KIF1B: variants seen among roughly 807,000 people sequenced by gnomAD.
The protein encoded by KIF1B is kinesin family member 1B, also known as kinesin-like protein KIF1B.
In KIF1B, 76 loss-of-function variants were observed where a neutral mutation model predicts 241.9. The ratio of observed to expected loss-of-function variants is 0.31; its 90% CI spans 0.26 to 0.38. The LOEUF (loss-of-function observed/expected upper bound fraction) is 0.38. Among genes scored for constraint, KIF1B ranks in the 10% least tolerant of loss-of-function variants. KIF1B has a pLI of 1.00. For synonymous variants in KIF1B, 750 were observed against 796.7 expected (o/e 0.94, Z 0.99); for missense variants, 1,622 against 2,271.4 (o/e 0.71, Z 5.81).
rs193034745 is a variant in KIF1B, at chr1:10,318,189, A to G, written c.2116-1854A>G. On this transcript the variant is annotated intron_variant, in intron 22 of 48. Coordinates refer to ENST00000676179, the MANE Select transcript of KIF1B (RefSeq NM_001365951.3). Reference sequence around the variant, plus strand: ...GTCACTGCCTGCCCATCTAAAGAGAACACTTCCTTTGTGAGAATAACTGAC... The same window carrying G: ...GTCACTGCCTGCCCATCTAAAGAGAGCACTTCCTTTGTGAGAATAACTGAC... Among the ~76,000 whole-genome samples, 29 of 151,570 alleles carry G rather than the reference A, an allele frequency of 1.9e-4. No individual in the cohort carries two copies. The East Asian group carries it at 5.0e-3, about 26-fold the overall frequency.
intron 31 of KIF1B, among the ~76,000 whole-genome samples, chr1:10,338,949 A>G (rs1380372290): frequency 1.3e-5 from 2 of 152,324 alleles, no homozygotes; most frequent in East Asian, 1.9e-4. Flanking sequence ...CTGTCCCCCC[A>G]GTTGAAAATA....
At chr1:10,278,842 G>A (rs1649255639) in intron 13 of KIF1B, 1 of 435,948 alleles carries the variant, frequency 2.3e-6, no homozygotes, top group East Asian at 3.3e-5. Context: ...GTTTAGTAAA[G>A]CATTTTTTTT....
chr1:10,350,135 A>T (rs2102331751), intron 37 of KIF1B, among the ~76,000 whole-genome samples: 1 of 151,696 alleles, frequency 6.6e-6, no homozygotes, highest in Non-Finnish European at 1.5e-5. Flanking sequence ...CTAAAAATAC[A>T]AAAATTAGCT....
Position 10,276,235 on chromosome 1 carries a change from G to A in KIF1B, c.959-86G>A, listed in dbSNP as rs796978250. On this transcript the variant is annotated intron_variant, in intron 11 of 48. Transcript: ENST00000676179. Reference sequence around the variant, plus strand: ...GACATTACATTAAATCTTAGGATCTGAGATTACAATATCAGATTTGACACA... The same window carrying A: ...GACATTACATTAAATCTTAGGATCTAAGATTACAATATCAGATTTGACACA... 2.3e-5 allele frequency: 20 copies of A among 886,182 alleles called. No homozygotes were observed. The African/African-American group carries it at 3.1e-4, about 14-fold the overall frequency. 54.9% of individuals were successfully genotyped at this position (886,182 alleles called of 1,614,324 possible). A position where few individuals can be genotyped will look rare whatever the true frequency, so the allele number is the denominator to read the frequency against.
intron 26 of KIF1B, among the ~76,000 whole-genome samples, chr1:10,325,651 A>G (rs925665510): frequency 1.3e-5 from 2 of 152,218 alleles, no homozygotes; most frequent in African/African-American, 4.8e-5. Context: ...TTGGCCAAAC[A>G]CATCTTACCC....
At chr1:10,223,685 TA>T (rs1246536517) in intron 1 of KIF1B, among the ~76,000 whole-genome samples, 1 of 151,820 alleles carries the variant, frequency 6.6e-6, no homozygotes, top group Non-Finnish European at 1.5e-5. Context: ...TAGCTAGGAC[TA>T]CAGGCACGTG....
intron 28 of KIF1B, among the ~76,000 whole-genome samples, chr1:10,334,965 G>T (rs1476898168): frequency 6.6e-6 from 1 of 150,642 alleles, no homozygotes; most frequent in Admixed American, 6.6e-5. Context: ...TTGAGACAGG[G>T]TCTCACTTTG....
At chr1:10,212,856 G>C (rs1297684899) in intron 1 of KIF1B, among the ~76,000 whole-genome samples, 1 of 139,392 alleles carries the variant, frequency 7.2e-6, no homozygotes, top group Non-Finnish European at 1.5e-5. Context: ...AAAAAAATGT[G>C]TATATATATA....
chr1:10,326,558 A>G lies in KIF1B; in HGVS notation c.2924+199A>G, dbSNP rs1015519861. ...CTCAGGCATTGTGTGTGAGGTCCTC[A>G]GTCTACTCAGCACAATACGTAGCAA... is the stretch of plus-strand genomic sequence containing the variant. On this transcript the variant is annotated intron_variant, in intron 27 of 48. Transcript: ENST00000676179. This position sits in a 1 kb window ranked among gnomAD's most constrained non-coding sequence, Gnocchi z 5.2. Among the ~76,000 whole-genome samples the G allele has an allele frequency of 6.6e-6, 1 of 152,210 alleles. No individual in the cohort carries two copies. The highest frequency in any genetic ancestry group is 1.5e-5 in the Non-Finnish European group (1 of 68,040).
intron 1 of KIF1B, chr1:10,230,706 G>A (rs1244848238): frequency 6.6e-6 from 1 of 152,196 alleles, no homozygotes; most frequent in Admixed American, 6.5e-5. Context: ...AAAGTGCTGG[G>A]ATTACAGGCG....
At chr1:10,218,133 T>C (rs1646792948) in intron 1 of KIF1B, among the ~76,000 whole-genome samples, 1 of 152,142 alleles carries the variant, frequency 6.6e-6, no homozygotes, top group Admixed American at 6.6e-5. Flanking sequence ...GACAGTGTCA[T>C]GGATACTGGC....
At chr1:10,306,317 T>A in intron 22 of KIF1B, 15 of 1,047,290 alleles carry the variant, frequency 1.4e-5, no homozygotes, top group Non-Finnish European at 1.6e-5. Flanking sequence ...CCATTTGGTT[T>A]GAATGTACTT....
intron 2 of KIF1B, among the ~76,000 whole-genome samples, chr1:10,246,339 C>T (rs190376707): frequency 1.3e-5 from 2 of 152,274 alleles, no homozygotes; most frequent in African/African-American, 4.8e-5. Context: ...CACAATATAT[C>T]CTGAATCAGT....
At chr1:10,349,073 A>G (rs909549358) in intron 37 of KIF1B, among the ~76,000 whole-genome samples, 1 of 152,114 alleles carries the variant, frequency 6.6e-6, no homozygotes, top group Non-Finnish European at 1.5e-5. Context: ...GTCATTAGTG[A>G]TATGTTATCC....
intron 45 of KIF1B, among the ~76,000 whole-genome samples, chr1:10,371,958 A>G (rs116731732): frequency 0.017 from 2,622 of 152,132 alleles, 84 homozygotes; most frequent in African/African-American, 0.06. Context: ...AAAAAAGACA[A>G]ATGTAGTCTA....
At chr1:10,340,749 CT>C (rs1652362540) in intron 32 of KIF1B, among the ~76,000 whole-genome samples, 1 of 152,002 alleles carries the variant, frequency 6.6e-6, no homozygotes, top group African/African-American at 2.4e-5. Context: ...GCACTCCAGC[CT>C]GGGCAAGAAA....
At chr1:10,295,554 C>T in intron 18 of KIF1B, 106 bp from the exon 19 acceptor site, 1 of 1,019,580 alleles carries the variant, frequency 9.8e-7, no homozygotes. Context: ...CAAGGCAATA[C>T]CTTTTTTGTA....
chr1:10,260,458 T>G (rs904140768), intron 4 of KIF1B, among the ~76,000 whole-genome samples: 8 of 152,248 alleles, frequency 5.3e-5, no homozygotes, highest in Admixed American at 1.3e-4. Context: ...AATTTAGTTT[T>G]AAAAACAGTT....
chr1:10,254,358 G>C (rs1647637155), intron 2 of KIF1B, among the ~76,000 whole-genome samples: 1 of 152,140 alleles, frequency 6.6e-6, no homozygotes, highest in African/African-American at 2.4e-5. Flanking sequence ...AGTATTTACT[G>C]AGCATCTACT....
Sources: gnomAD v4.1 joint callset for allele counts (sites outside exome capture counted in the v4.1 genomes callset) on GRCh38, gnomAD v4.1.1 for gene constraint, Gnocchi (gnomAD v3.1) non-coding constraint, MANE v1.5 for transcripts, NCBI Gene and HGNC (gene_info 2026-07-23, HGNC 2026-07-21) for gene names.